The following PPP1R12A variants were observed in gnomAD, a reference collection of about 807,000 sequenced individuals.
PPP1R12A encodes myosin binding subunit.
A neutral mutation model predicts 139.6 loss-of-function variants in PPP1R12A; 19 were observed. That is an observed-to-expected ratio of 0.14 (90% CI 0.09 to 0.20). The LOEUF is 0.20. PPP1R12A is among the 10% of genes least tolerant of loss of function. PPP1R12A has a pLI of 1.00. For missense variants in PPP1R12A, 925 were observed against 1,211.5 expected, an observed-to-expected ratio of 0.76 and a Z score of 3.51; for synonymous variants, 427 against 420.6, an observed-to-expected ratio of 1.02 and a Z score of -0.19.
intron 1 of PPP1R12A, among the ~76,000 whole-genome samples, chr12:79,924,154 T>C (rs184860248): frequency 2.0e-4 from 30 of 152,174 alleles, no homozygotes; most frequent in East Asian, 1.7e-3. Flanking sequence ...CAAAAAATAA[T>C]GGAAAACACT....
intron 9 of PPP1R12A, among the ~76,000 whole-genome samples, chr12:79,815,632 G>A (rs1450262233): frequency 6.6e-6 from 1 of 152,106 alleles, no homozygotes; most frequent in Non-Finnish European, 1.5e-5. Flanking sequence ...AATGAATTTA[G>A]TATTCACTGA....
intron 5 of PPP1R12A, among the ~76,000 whole-genome samples, chr12:79,826,746 T>C (rs919414180): frequency 1.3e-5 from 2 of 152,234 alleles, no homozygotes; most frequent in African/African-American, 4.8e-5. Flanking sequence ...GCATACAATA[T>C]ATTGTGTATG....
chr12:79,780,526 T>G (rs939049183), intron 23 of PPP1R12A: 12 of 152,178 alleles, frequency 7.9e-5, no homozygotes, highest in African/African-American at 2.7e-4. Flanking sequence ...TAATATTGTC[T>G]TCTTTTGTTA....
At chr12:79,915,934 C>CA (rs1238558871) in intron 1 of PPP1R12A, among the ~76,000 whole-genome samples, 7 of 151,646 alleles carry the variant, frequency 4.6e-5, no homozygotes, top group African/African-American at 9.7e-5. Context: ...ATGTGCTTTA[C>CA]AAAAAAAATC....
chr12:79,868,007 C>T (rs547561899), intron 2 of PPP1R12A, among the ~76,000 whole-genome samples: 1 of 152,092 alleles, frequency 6.6e-6, no homozygotes, highest in African/African-American at 2.4e-5. Context: ...TTTACAACAG[C>T]GTGAGAATGG....
At chr12:79,935,400 GC>G (rs1888592923), upstream of PPP1R12A, 1 of 992,842 alleles carries the variant, frequency 1.0e-6, no homozygotes, top group Non-Finnish European at 1.2e-6. Flanking sequence ...CGGGCTGGGG[GC>G]TCCCGGGAAT....
At chr12:79,851,926 T>A (rs181098184) in intron 2 of PPP1R12A, among the ~76,000 whole-genome samples, 14 of 152,296 alleles carry the variant, frequency 9.2e-5, no homozygotes, top group Non-Finnish European at 1.3e-4. Flanking sequence ...CCATTGAAGT[T>A]TTTAATTTAG....
intron 1 of PPP1R12A, among the ~76,000 whole-genome samples, chr12:79,912,889 G>T (rs1886696896): frequency 1.3e-5 from 2 of 152,082 alleles, no homozygotes; most frequent in Admixed American, 1.3e-4. Context: ...CATTGCTACT[G>T]CATAAGTACA....
intron 1 of PPP1R12A, among the ~76,000 whole-genome samples, chr12:79,925,857 C>T (rs1195013705): frequency 6.6e-6 from 1 of 152,180 alleles, no homozygotes; most frequent in African/African-American, 2.4e-5. Context: ...AAAAAAGTAT[C>T]AGTAAAATAA....
At position 79,861,557 on chromosome 12, in the gene PPP1R12A, C is replaced by A. The variant is rs540408747; in HGVS notation, c.368+11251G>T. 2.0e-5 allele frequency among the ~76,000 whole-genome samples: 3 copies of A among 152,278 alleles called. No individual in the cohort carries two copies. The East Asian group carries it at 5.8e-4, about 29-fold the overall frequency. On this transcript the variant is annotated intron_variant, in intron 2 of 24. Coordinates refer to ENST00000450142, the MANE Select transcript of PPP1R12A (RefSeq NM_002480.3). ...GGGTCATGGGATTTCCCTTTCCTAG[C>A]CAAGGGAAGCCGTGAGTGACCGTAC...
At chr12:79,874,057 C>T (rs1882851457) in intron 1 of PPP1R12A, among the ~76,000 whole-genome samples, 1 of 152,092 alleles carries the variant, frequency 6.6e-6, no homozygotes, top group South Asian at 2.1e-4. Flanking sequence ...GGGCAGATCA[C>T]CTGAGGTCAG....
intron 24 of PPP1R12A, chr12:79,777,383 G>A (rs902507210): frequency 2.0e-6 from 2 of 984,176 alleles, no homozygotes; most frequent in Non-Finnish European, 2.4e-6. Flanking sequence ...ATTCTAAGAA[G>A]CCATGCATAA....
chr12:79,817,648 CT>C, intron 8 of PPP1R12A, 130 bp from the exon 9 acceptor site: 1 of 825,820 alleles, frequency 1.2e-6, no homozygotes, highest in Non-Finnish European at 1.8e-6. Context: ...ACTGTGATTC[CT>C]TTTCGCAAGT....
chr12:79,929,843 G>A (rs1888118837), intron 1 of PPP1R12A, among the ~76,000 whole-genome samples: 1 of 151,816 alleles, frequency 6.6e-6, no homozygotes, highest in Non-Finnish European at 1.5e-5. Context: ...TTTTTAATTT[G>A]TTTCATAATC....
At chr12:79,799,028 AG>A (rs1439855434) in intron 14 of PPP1R12A, among the ~76,000 whole-genome samples, 2 of 152,174 alleles carry the variant, frequency 1.3e-5, no homozygotes, top group Non-Finnish European at 2.9e-5. Context: ...ATCCCCCAAA[AG>A]TGATAATCTA....
rs745962990 is a variant in PPP1R12A, at chr12:79,796,901, G to T, written c.2342C>A (p.Ser781Tyr). The change falls in exon 17 of 25, where the codon TCC becomes TAC. Residue 781 changes from serine (S) to tyrosine (Y), a missense_variant. Physicochemically the swap from Ser to Tyr is moderately radical, Grantham distance 144 (BLOSUM62 -2). This residue lies in a region of PPP1R12A where 315 missense variants were observed against 363.4 expected (regional missense o/e 0.87). Coordinates refer to ENST00000450142, the MANE Select transcript of PPP1R12A (RefSeq NM_002480.3). ...ACTGCTCATAGTAGAAAGTGAAGAG[G>T]ATGGAGTGGTTGAACTTGAAGTTGA... ...PVSTSSSTTP[S>Y]SSLSTMSSSL... The T allele has an allele frequency of 2.0e-5, 32 of 1,612,782 alleles. No homozygotes were observed. Among genetic ancestry groups the T allele is most frequent in the Non-Finnish European group, 2.1e-5 (25 of 1,179,090 alleles).
In PPP1R12A at chr12:79,845,697, G is replaced by A. The variant is rs532676290; in HGVS notation, c.369-277C>T. Among the ~76,000 whole-genome samples, 10 of 152,066 alleles carry A rather than the reference G, an allele frequency of 6.6e-5. No individual in the cohort carries two copies. In the East Asian group the frequency reaches 7.7e-4, roughly 12 times the overall value. ...TAAAAATACAAAAAATTAGCCGGGC[G>A]TGGTGGTGGGCGCCTGTAGTCCCAG... On this transcript the variant is annotated intron_variant, in intron 2 of 24. Coordinates refer to ENST00000450142, the MANE Select transcript of PPP1R12A (RefSeq NM_002480.3).
intron 12 of PPP1R12A, 65 bp downstream of exon 12, chr12:79,807,161 C>A: frequency 1.1e-6 from 1 of 917,174 alleles, no homozygotes; most frequent in South Asian, 1.7e-5. Flanking sequence ...CTGAGGGCTC[C>A]AAACAAATTG....
intron 3 of PPP1R12A, among the ~76,000 whole-genome samples, chr12:79,838,107 A>T (rs1013549655): frequency 1.3e-5 from 2 of 152,200 alleles, no homozygotes; most frequent in Non-Finnish European, 2.9e-5. Flanking sequence ...TTTGACCAAA[A>T]TGCTGATAGT....
Sources: gnomAD v4.1 joint callset for allele counts (sites outside exome capture counted in the v4.1 genomes callset) on GRCh38, gnomAD v4.1.1 for gene constraint, gnomAD v4.1.1 regional missense constraint, MANE v1.5 for transcripts, NCBI Gene and HGNC (gene_info 2026-07-23, HGNC 2026-07-21) for gene names.